Variants in ADAMTS20 observed in about 807,000 individuals in gnomAD.
ADAMTS20 encodes the protein ADAM metallopeptidase with thrombospondin type 1 motif 20.
In ADAMTS20, 225 loss-of-function variants were observed where a neutral mutation model predicts 260.1. The observed-to-expected ratio is 0.87, with a 90% CI of 0.78 to 0.97. The LOEUF is 0.97. ADAMTS20 is among the 50% of genes least tolerant of loss of function. The pLI is 0.00. For synonymous variants in ADAMTS20, 802 were observed against 769.5 expected (o/e 1.04, Z -0.70); for missense variants, 2,400 against 2,337.7 (o/e 1.03, Z -0.55).
chr12:43,497,794 GA>G (rs1260195329), intron 4 of ADAMTS20, among the ~76,000 whole-genome samples: 1 of 152,062 alleles, frequency 6.6e-6, no homozygotes, highest in Admixed American at 6.6e-5. Flanking sequence ...ATAATTTAAT[GA>G]AAGGGTTAAT....
chr12:43,444,195 A>G (rs1431366848), intron 15 of ADAMTS20, among the ~76,000 whole-genome samples: 3 of 152,104 alleles, frequency 2.0e-5, no homozygotes, highest in Admixed American at 2.0e-4. Context: ...TAGTACACAT[A>G]CCCATTTTTA....
At chr12:43,371,319 C>T (rs1045707667) in intron 36 of ADAMTS20, among the ~76,000 whole-genome samples, 7 of 152,150 alleles carry the variant, frequency 4.6e-5, no homozygotes, top group South Asian at 2.1e-4. Context: ...TTGAGAAAAG[C>T]GAGGACTTTT....
chr12:43,509,433 C>T (rs1012834077), intron 3 of ADAMTS20, among the ~76,000 whole-genome samples: 4 of 151,940 alleles, frequency 2.6e-5, no homozygotes, highest in Non-Finnish European at 4.4e-5. Context: ...CTATACAACT[C>T]TTTGGCAAAG....
intron 11 of ADAMTS20, 135 bp from the exon 12 acceptor site, chr12:43,454,187 AC>A: frequency 1.0e-6 from 1 of 985,190 alleles, no homozygotes; most frequent in Non-Finnish European, 1.4e-6. Context: ...AATTCAGATT[AC>A]ATTTGAAATG....
At chr12:43,398,426 A>G (rs1297386752) in intron 29 of ADAMTS20, among the ~76,000 whole-genome samples, 1 of 152,026 alleles carries the variant, frequency 6.6e-6, no homozygotes, top group East Asian at 1.9e-4. Flanking sequence ...ATTTTTGCTG[A>G]GTCTTTTCAT....
chr12:43,526,847 C>T (rs936529706), intron 3 of ADAMTS20, among the ~76,000 whole-genome samples: 2 of 151,306 alleles, frequency 1.3e-5, no homozygotes, highest in Non-Finnish European at 2.9e-5. Flanking sequence ...AGAGCAAAAC[C>T]GAATGAAATT....
At chr12:43,387,590 A>C (rs1357112693) in intron 29 of ADAMTS20, among the ~76,000 whole-genome samples, 2 of 152,294 alleles carry the variant, frequency 1.3e-5, no homozygotes, top group East Asian at 1.9e-4. Flanking sequence ...CTGCGCCCAC[A>C]GTTGCCCCTT....
intron 21 of ADAMTS20, 130 bp from the exon 22 acceptor site, chr12:43,431,626 T>C: frequency 1.9e-6 from 2 of 1,057,632 alleles, no homozygotes; most frequent in Non-Finnish European, 2.8e-6. Context: ...TTTCCCTCAC[T>C]CCACCAGAGA....
chr12:43,530,325 T>C lies in ADAMTS20; in HGVS notation c.613+1711A>G, dbSNP rs529132382. On this transcript the variant is annotated intron_variant, in intron 3 of 38. Coordinates refer to ENST00000389420, the MANE Select transcript of ADAMTS20 (RefSeq NM_025003.5). ...ATTCATTAAACAAGCTGCTCTTGAA[T>C]AGTAGATCAGAACAAGCATAAGCTG... 3.9e-5 allele frequency among the ~76,000 whole-genome samples: 6 copies of C among 152,198 alleles called. No homozygotes were observed. In the South Asian group the frequency reaches 8.3e-4, roughly 21 times the overall value.
chr12:43,385,028 C>T (rs192597567), intron 29 of ADAMTS20, among the ~76,000 whole-genome samples: 15 of 152,284 alleles, frequency 9.9e-5, no homozygotes, highest in Non-Finnish European at 1.8e-4. Flanking sequence ...TGAGGAATCG[C>T]CATACTGTCT....
chr12:43,519,553 A>C (rs1044642177), intron 3 of ADAMTS20, among the ~76,000 whole-genome samples: 3 of 152,098 alleles, frequency 2.0e-5, no homozygotes, highest in Non-Finnish European at 2.9e-5. Context: ...TTAGCAATCA[A>C]CTTTTTTCTT....
At chr12:43,504,452 A>G (rs1256227953) in intron 3 of ADAMTS20, among the ~76,000 whole-genome samples, 2 of 152,164 alleles carry the variant, frequency 1.3e-5, no homozygotes, top group Non-Finnish European at 2.9e-5. Flanking sequence ...AATTTATCTC[A>G]GTGGAAAATT....
intron 2 of ADAMTS20, among the ~76,000 whole-genome samples, chr12:43,538,489 T>C (rs1443545508): frequency 6.6e-6 from 1 of 152,238 alleles, no homozygotes; most frequent in East Asian, 1.9e-4. Flanking sequence ...TTGTTGATTG[T>C]ATCCTTTGCT....
At chr12:43,502,004 C>A (rs1175806455) in intron 4 of ADAMTS20, 148 bp downstream of exon 4, 11 of 724,442 alleles carry the variant, frequency 1.5e-5, no homozygotes, top group Admixed American at 3.6e-5. Flanking sequence ...TCTATCTAAA[C>A]TAAACTTCAA....
At chr12:43,375,949 T>A in intron 35 of ADAMTS20, 108 bp downstream of exon 35, 2 of 807,098 alleles carry the variant, frequency 2.5e-6, no homozygotes, top group Non-Finnish European at 3.9e-6. Flanking sequence ...TGCTCCTACA[T>A]TATTTGTCTC....
chr12:43,369,370 G>A lies in ADAMTS20; in HGVS notation c.5458C>T (p.Leu1820Phe). The A allele has an allele frequency of 6.5e-7, 1 of 1,544,296 alleles. No homozygotes were observed. Among genetic ancestry groups the A allele is most frequent in the Middle Eastern group, 1.7e-4 (1 of 5,864 alleles). The change falls in exon 37 of 39, where the codon CTT becomes TTT. Residue 1820 changes from leucine to phenylalanine, a missense_variant. Leu to Phe is a conservative substitution (Grantham distance 22, BLOSUM62 0). Coordinates refer to ENST00000389420, the MANE Select transcript of ADAMTS20 (RefSeq NM_025003.5). ...TSMQIKTTDL[L>F]FSKTIFGNAV... ...TTTCCAAATATTGTTTTGGAAAAAAGAAGGTCCGTAGCTAGAAAATAATAA... is the reference window on the plus strand; with the variant it reads ...TTTCCAAATATTGTTTTGGAAAAAAAAAGGTCCGTAGCTAGAAAATAATAA...
intron 28 of ADAMTS20, among the ~76,000 whole-genome samples, chr12:43,408,471 G>C (rs1444303945): frequency 2.0e-5 from 3 of 152,120 alleles, no homozygotes; most frequent in Non-Finnish European, 4.4e-5. Flanking sequence ...TCCCACAAAT[G>C]TTTTATGTGC....
At chr12:43,460,147 A>T (rs2016157) in intron 11 of ADAMTS20, among the ~76,000 whole-genome samples, 118,263 of 152,190 alleles carry the variant, frequency 0.78, 47,089 homozygotes, top group East Asian at 1. Flanking sequence ...TTATTAATTT[A>T]AAAAAGATAA....
chr12:43,522,872 T>G (rs1306300732), intron 3 of ADAMTS20, among the ~76,000 whole-genome samples: 2 of 152,206 alleles, frequency 1.3e-5, no homozygotes, highest in African/African-American at 4.8e-5. Flanking sequence ...TGGATGACCT[T>G]GAGGCACACA....
Sources: gnomAD v4.1 joint callset for allele counts (sites outside exome capture counted in the v4.1 genomes callset) on GRCh38, gnomAD v4.1.1 for gene constraint, MANE v1.5 for transcripts, NCBI Gene and HGNC (gene_info 2026-07-23, HGNC 2026-07-21) for gene names.